Variants in NSMCE4A observed in about 807,000 individuals in gnomAD.
NSMCE4A encodes the protein NSE4A component of SMC5/6 complex.
Under a neutral mutation model 47.9 loss-of-function variants are expected in NSMCE4A, and 40 were observed. That is an observed-to-expected ratio of 0.83 (90% CI 0.65 to 1.09). The LOEUF (loss-of-function observed/expected upper bound fraction) is 1.09. Among genes scored for constraint, NSMCE4A ranks in the 50% least tolerant of loss-of-function variants. The pLI, the probability that NSMCE4A is intolerant of heterozygous loss-of-function variation, is 0.00. For synonymous variants in NSMCE4A, 166 were observed against 178.5 expected (o/e 0.93, Z 0.56); for missense variants, 500 against 507.0 (o/e 0.99, Z 0.13).
intron 2 of NSMCE4A, 92 bp downstream of exon 2, chr10:121,973,912 T>C: frequency 3.6e-6 from 3 of 844,166 alleles, no homozygotes; most frequent in African/African-American, 1.7e-5. Context: ...ATTACAAATG[T>C]GGGAATTGTT....
intron 3 of NSMCE4A, among the ~76,000 whole-genome samples, chr10:121,969,066 C>T (rs112588759): frequency 8.5e-5 from 13 of 152,290 alleles, no homozygotes; most frequent in South Asian, 2.1e-4. Flanking sequence ...AGAGCTTGGC[C>T]GGGCACGGTG....
At chr10:121,966,986 A>G (rs1312896635) in intron 4 of NSMCE4A, 1 of 152,244 alleles carries the variant, frequency 6.6e-6, no homozygotes, top group Non-Finnish European at 1.5e-5. Flanking sequence ...GGGTATTATA[A>G]TAAATGTCAC....
In NSMCE4A at chr10:121,965,468, A is replaced by G. The variant is rs990975488; in HGVS notation, c.654-83T>C. 4.9e-6 allele frequency: 5 copies of G among 1,012,794 alleles called. No individual in the cohort carries two copies. In the African/African-American group the frequency reaches 7.9e-5, roughly 16 times the overall value. 62.7% of individuals were successfully genotyped at this position (1,012,794 alleles called of 1,614,324 possible). ...ACTTTACTAACTAAAAGTAGTTTGCATGGTATAGTCAAATTCAGACCAGAC... is the reference window on the plus strand; with the variant it reads ...ACTTTACTAACTAAAAGTAGTTTGCGTGGTATAGTCAAATTCAGACCAGAC... On this transcript the variant is annotated intron_variant, in intron 4 of 10. Transcript: ENST00000369023.
intron 10 of NSMCE4A, among the ~76,000 whole-genome samples, chr10:121,959,093 G>A (rs528974872): frequency 3.9e-5 from 6 of 152,304 alleles, no homozygotes; most frequent in Admixed American, 2.6e-4. Flanking sequence ...GATTACAGGC[G>A]TGAGCCACCA....
At chr10:121,973,874 G>T in intron 2 of NSMCE4A, 130 bp downstream of exon 2, 1 of 653,548 alleles carries the variant, frequency 1.5e-6, no homozygotes, top group Non-Finnish European at 2.7e-6. Flanking sequence ...TTGCTATAAT[G>T]AAACGGTTCC....
chr10:121,959,656 A>C, intron 8 of NSMCE4A, 61 bp from the exon 9 acceptor site: 3 of 1,081,638 alleles, frequency 2.8e-6, no homozygotes, highest in Non-Finnish European at 4.3e-6. Flanking sequence ...CAGGTAATCT[A>C]AACGGAAACT....
intron 5 of NSMCE4A, among the ~76,000 whole-genome samples, chr10:121,963,747 A>G (rs1241904169): frequency 3.9e-4 from 59 of 152,032 alleles, no homozygotes; most frequent in Non-Finnish European, 6.0e-4. Context: ...AGGTGTGGTG[A>G]CAGGCGCCTG....
chr10:121,958,220 ACT>A (rs1263834729), intron 10 of NSMCE4A, among the ~76,000 whole-genome samples: 1 of 151,960 alleles, frequency 6.6e-6, no homozygotes, highest in African/African-American at 2.4e-5. Flanking sequence ...ACAGAGCAAG[ACT>A]CTGTCTCAAA....
Position 121,960,960 on chromosome 10 carries a change from A to G in NSMCE4A, c.939+463T>C, listed in dbSNP as rs1952485959. ...TAAGACTACTATAAACACGTGGCAT[A>G]TATCCTTTACCCATATTCATCAGTC... On this transcript the variant is annotated intron_variant, in intron 7 of 10. Coordinates refer to ENST00000369023, the MANE Select transcript of NSMCE4A (RefSeq NM_017615.3). The surrounding 1 kb of genome is among the most constrained non-coding windows in gnomAD (Gnocchi z 4.2). Among the ~76,000 whole-genome samples, 1 of 152,178 alleles carries G rather than the reference A, an allele frequency of 6.6e-6. No homozygotes were observed. The highest frequency in any genetic ancestry group is 2.4e-5 in the African/African-American group (1 of 41,442).
intron 2 of NSMCE4A, 98 bp downstream of exon 2, chr10:121,973,906 C>G (rs767989271): frequency 6.1e-6 from 5 of 822,562 alleles, no homozygotes; most frequent in Non-Finnish European, 9.8e-6. Flanking sequence ...AGCACTATTA[C>G]AAATGTGGGA....
intron 3 of NSMCE4A, among the ~76,000 whole-genome samples, chr10:121,968,582 T>C (rs1014502125): frequency 6.6e-6 from 1 of 152,156 alleles, no homozygotes; most frequent in African/African-American, 2.4e-5. Flanking sequence ...TTGGCGGAAG[T>C]CAAATAATTC....
chr10:121,959,382 T>C lies in NSMCE4A; in HGVS notation c.1112A>G (p.Glu371Gly), dbSNP rs1564989603. 5.0e-6 allele frequency: 8 copies of C among 1,614,202 alleles called. No individual in the cohort carries two copies. The highest frequency in any genetic ancestry group is 5.1e-6 in the Non-Finnish European group (6 of 1,180,052). The change falls in exon 10 of 11, where the codon GAG becomes GGG. Residue 371 changes from glutamate (E) to glycine (G), a missense_variant. Physicochemically the swap from Glu to Gly is moderately conservative, Grantham distance 98. Coordinates refer to ENST00000369023, the MANE Select transcript of NSMCE4A (RefSeq NM_017615.3). ...CCTCTGACTTGGAGTAATCACAGGC[T>C]CTGAAATCTCAAAGGTCTTCACAAT... ...EEIVKTFEISEPVITPSQRQQ... is the reference protein window; with the variant it reads ...EEIVKTFEISGPVITPSQRQQ...
At chr10:121,965,504 T>C (rs1303795092) in intron 4 of NSMCE4A, 119 bp from the exon 5 acceptor site, 2 of 699,430 alleles carry the variant, frequency 2.9e-6, no homozygotes, top group Non-Finnish European at 5.0e-6. Flanking sequence ...ATCAGTGATA[T>C]ACAAGCTGAC....
intron 5 of NSMCE4A, among the ~76,000 whole-genome samples, chr10:121,964,727 A>C (rs1160967614): frequency 6.6e-6 from 1 of 152,256 alleles, no homozygotes; most frequent in Non-Finnish European, 1.5e-5. Flanking sequence ...GGCGTAAGCC[A>C]CTGTGCCTGG....
At chr10:121,969,421 C>T (rs1952664542) in intron 3 of NSMCE4A, among the ~76,000 whole-genome samples, 1 of 150,898 alleles carries the variant, frequency 6.6e-6, no homozygotes, top group South Asian at 2.1e-4. Flanking sequence ...TAAAGAAATA[C>T]CCAATACATG....
rs748460331 is a variant in NSMCE4A, at chr10:121,959,508, T to C, written c.1076A>G (p.Asp359Gly). Residue 359 changes from aspartate (D) to glycine (G), a missense_variant, in exon 9 of 11, where the codon GAC (aspartate) becomes GGC (glycine). Coordinates refer to ENST00000369023, the MANE Select transcript of NSMCE4A (RefSeq NM_017615.3). Reference sequence around the variant, plus strand: ...CAACAGGCAGAGCTTTACCTCCCAGTCACGGTAACTCAAAGCTATAATTCC... The same window carrying C: ...CAACAGGCAGAGCTTTACCTCCCAGCCACGGTAACTCAAAGCTATAATTCC... ...NQGIIALSYR[D>G]WEEIVKTFEI... The C allele has an allele frequency of 4.3e-6, 7 of 1,613,970 alleles. No homozygotes were observed. Among genetic ancestry groups the C allele is most frequent in the Non-Finnish European group, 5.9e-6 (7 of 1,179,836 alleles).
intron 2 of NSMCE4A, among the ~76,000 whole-genome samples, chr10:121,973,691 C>G (rs910194203): frequency 2.0e-5 from 3 of 152,164 alleles, no homozygotes; most frequent in African/African-American, 4.8e-5. Context: ...CCAATGTATA[C>G]TAGGGATACG....
rs539168175 is a variant in NSMCE4A, at chr10:121,975,087, G to A, written c.79C>T (p.Arg27Cys). Residue 27 changes from arginine to cysteine, a missense_variant, in exon 1 of 11, where the codon CGC (arginine) becomes TGC (cysteine). Arg to Cys is a radical substitution (Grantham distance 180). Transcript: ENST00000369023. ...GACAAAGGGGACCGCGAGCGGGAGC[G>A]GGAGCGGGTGCGATCCCGATGCGGG... ...RDPHRDRTRS[R>C]SRSRSPLSPR... The A allele has an allele frequency of 1.7e-5, 25 of 1,442,650 alleles. No homozygotes were observed. In the African/African-American group the frequency reaches 2.5e-4, roughly 15 times the overall value. 89.4% of individuals were successfully genotyped at this position (1,442,650 alleles called of 1,614,324 possible). A position where few individuals can be genotyped will look rare whatever the true frequency, so the allele number is the denominator to read the frequency against.
rs574915692 is a variant in NSMCE4A at position 121,972,789 on chromosome 10, T to C, written c.370+1215A>G. On this transcript the variant is annotated intron_variant, in intron 2 of 10. Coordinates refer to ENST00000369023, the MANE Select transcript of NSMCE4A (RefSeq NM_017615.3). Reference sequence around the variant, plus strand: ...AACACCCGGTTCCTGAAGGTTTTGATGAGAGTTAGCAAATGCGGTAGACTA... The same window carrying C: ...AACACCCGGTTCCTGAAGGTTTTGACGAGAGTTAGCAAATGCGGTAGACTA... 3.6e-4 allele frequency among the ~76,000 whole-genome samples: 55 copies of C among 152,198 alleles called. No individual in the cohort carries two copies. The Middle Eastern group carries it at 0.014, about 38-fold the overall frequency.
Sources: allele counts gnomAD v4.1 joint callset (sites outside exome capture counted in the v4.1 genomes callset), GRCh38; gene constraint gnomAD v4.1.1; non-coding constraint Gnocchi (gnomAD v3.1); transcripts MANE v1.5; gene names NCBI Gene and HGNC (gene_info 2026-07-23, HGNC 2026-07-21).